RNF216: variants seen among roughly 807,000 people sequenced by gnomAD.
The protein encoded by RNF216 is ring finger protein 216, also known as E3 ubiquitin-protein ligase RNF216.
A neutral mutation model predicts 110.8 loss-of-function variants in RNF216; 72 were observed. The ratio of observed to expected loss-of-function variants is 0.65; its 90% CI spans 0.54 to 0.79. RNF216 has a LOEUF of 0.79. Among genes scored for constraint, RNF216 ranks in the 30% least tolerant of loss-of-function variants. RNF216 has a pLI of 0.00. For missense variants in RNF216, 1,342 were observed against 1,141.2 expected, an observed-to-expected ratio of 1.18 and a Z score of -2.54; for synonymous variants, 495 against 407.5, an observed-to-expected ratio of 1.21 and a Z score of -2.59.
At chr7:5,637,696 C>A (rs1278676106) in intron 15 of RNF216, among the ~76,000 whole-genome samples, 2 of 152,254 alleles carry the variant, frequency 1.3e-5, no homozygotes, top group Non-Finnish European at 2.9e-5. Context: ...CGCACCACCA[C>A]CCCTGGATAA....
intron 2 of RNF216, among the ~76,000 whole-genome samples, chr7:5,760,677 G>T (rs1795886945): frequency 6.6e-6 from 1 of 152,164 alleles, no homozygotes; most frequent in Non-Finnish European, 1.5e-5. Context: ...AGAACATAAA[G>T]GCCTAGTGGA....
intron 2 of RNF216, among the ~76,000 whole-genome samples, chr7:5,756,601 G>C (rs1003384994): frequency 6.6e-6 from 1 of 152,142 alleles, no homozygotes; most frequent in Non-Finnish European, 1.5e-5. Flanking sequence ...CCCCATGTTG[G>C]CTAGGCTGGG....
chr7:5,727,030 C>G (rs1793798936), intron 7 of RNF216, among the ~76,000 whole-genome samples: 2 of 152,100 alleles, frequency 1.3e-5, no homozygotes, highest in Admixed American at 1.3e-4. Context: ...CTGACTGTGG[C>G]AGGGGATAGG....
At chr7:5,629,873 A>G (rs1288798644) in intron 15 of RNF216, among the ~76,000 whole-genome samples, 1 of 148,408 alleles carries the variant, frequency 6.7e-6, no homozygotes, top group Middle Eastern at 3.6e-3. Flanking sequence ...TTTAGGATTG[A>G]TTTTGAGGTT....
chr7:5,710,929 G>A (rs899087581), intron 13 of RNF216, among the ~76,000 whole-genome samples: 8 of 152,180 alleles, frequency 5.3e-5, no homozygotes, highest in Non-Finnish European at 8.8e-5. Flanking sequence ...CCTGGGGTGC[G>A]AACATATAAA....
intron 3 of RNF216, among the ~76,000 whole-genome samples, chr7:5,742,786 G>C (rs1794835895): frequency 6.6e-6 from 1 of 151,790 alleles, no homozygotes. Context: ...GTTAGAGACA[G>C]GGTTTTGCCA....
At chr7:5,635,845 G>A (rs547836228) in intron 15 of RNF216, among the ~76,000 whole-genome samples, 1 of 152,234 alleles carries the variant, frequency 6.6e-6, no homozygotes, top group Non-Finnish European at 1.5e-5. Flanking sequence ...AAAAATGAGT[G>A]TCTCTTAACC....
intron 13 of RNF216, among the ~76,000 whole-genome samples, chr7:5,676,700 A>T (rs925884495): frequency 6.6e-6 from 1 of 152,234 alleles, no homozygotes; most frequent in Non-Finnish European, 1.5e-5. Context: ...CTATGCCCCT[A>T]TTCTTAAGGA....
intron 13 of RNF216, among the ~76,000 whole-genome samples, chr7:5,663,453 G>A (rs1051296645): frequency 2.6e-5 from 4 of 151,962 alleles, no homozygotes; most frequent in Admixed American, 6.6e-5. Flanking sequence ...GTGTGGTGGC[G>A]TTCGCCTGTA....
chr7:5,689,140 A>G (rs1562393198), intron 13 of RNF216, among the ~76,000 whole-genome samples: 1 of 152,084 alleles, frequency 6.6e-6, no homozygotes, highest in Non-Finnish European at 1.5e-5. Context: ...ATGCAGAACC[A>G]AAAGCACAGG....
intron 13 of RNF216, among the ~76,000 whole-genome samples, chr7:5,656,535 A>G (rs1788755925): frequency 6.6e-6 from 1 of 152,078 alleles, no homozygotes; most frequent in Non-Finnish European, 1.5e-5. Flanking sequence ...CAAATACAGT[A>G]AGCAGGCAAG....
At position 5,741,215 on chromosome 7, in the gene RNF216, C is replaced by T. The variant is rs1794736076; in HGVS notation, c.802G>A (p.Glu268Lys). The T allele has an allele frequency of 6.2e-7, 1 of 1,614,042 alleles. No individual in the cohort carries two copies. The highest frequency in any genetic ancestry group is 1.3e-5 in the African/African-American group (1 of 74,926). Residue 268 changes from glutamate (E) to lysine (K), a missense_variant, in exon 4 of 17, where the codon GAA (glutamate) becomes AAA (lysine). Coordinates refer to ENST00000389902, the MANE Select transcript of RNF216 (RefSeq NM_207111.4). ...AELGRLLFQH[E>K]FPGPAFPRPE... ...CTTGGAAAAGCGGGCCCTGGGAATT[C>T]ATGCTGAAACAACAAGCGGCCCAGT...
intron 3 of RNF216, among the ~76,000 whole-genome samples, chr7:5,746,308 G>A (rs894317092): frequency 6.6e-6 from 1 of 152,126 alleles, no homozygotes; most frequent in African/African-American, 2.4e-5. Flanking sequence ...GGGAATGTGG[G>A]GGCTCACAAA....
chr7:5,668,846 C>G (rs1484364018), intron 13 of RNF216, among the ~76,000 whole-genome samples: 2 of 152,150 alleles, frequency 1.3e-5, no homozygotes, highest in African/African-American at 4.8e-5. Flanking sequence ...GGTGTATCTT[C>G]CCCATATCTT....
chr7:5,663,018 C>G (rs1237771887), intron 13 of RNF216, among the ~76,000 whole-genome samples: 2 of 152,158 alleles, frequency 1.3e-5, no homozygotes, highest in African/African-American at 4.8e-5. Flanking sequence ...AAGAATATCT[C>G]TTCTCCTCTG....
Position 5,712,788 on chromosome 7 carries a change from T to C in RNF216, c.1909A>G (p.Thr637Ala). The C allele has an allele frequency of 6.2e-7, 1 of 1,614,060 alleles. No individual in the cohort carries two copies. Among genetic ancestry groups the C allele is most frequent in the Non-Finnish European group, 8.5e-7 (1 of 1,180,016 alleles). ...CGCTCATAGTACTTATACAGGATGG[T>C]CTGGGGGAGCACCTTCTCCAGCTCA... The part of the protein sequence containing the change: ...TSELEKVLPQ[T>A]ILYKYYERKA... The change falls in exon 12 of 17, where the codon ACC becomes GCC. Residue 637 changes from threonine to alanine, a missense_variant. By Grantham distance (58) the Thr-to-Ala change is moderately conservative. Coordinates refer to ENST00000389902, the MANE Select transcript of RNF216 (RefSeq NM_207111.4).
At chr7:5,663,425 C>T (rs1012849385) in intron 13 of RNF216, among the ~76,000 whole-genome samples, 1 of 151,680 alleles carries the variant, frequency 6.6e-6, no homozygotes, top group Non-Finnish European at 1.5e-5. Flanking sequence ...ACTAAAAACA[C>T]AAAAACAAAT....
intron 15 of RNF216, among the ~76,000 whole-genome samples, chr7:5,639,402 G>A (rs556521805): frequency 6.6e-6 from 1 of 151,874 alleles, no homozygotes; most frequent in South Asian, 2.1e-4. Context: ...ACACACTTCT[G>A]TTTTCCTTTT....
At chr7:5,626,011 C>T (rs1455843430) in intron 15 of RNF216, among the ~76,000 whole-genome samples, 2 of 152,216 alleles carry the variant, frequency 1.3e-5, no homozygotes, top group African/African-American at 2.4e-5. Context: ...TGCCTGGCCA[C>T]GTGTTCTGAG....
Sources: gnomAD v4.1 joint callset for allele counts (sites outside exome capture counted in the v4.1 genomes callset) on GRCh38, gnomAD v4.1.1 for gene constraint, MANE v1.5 for transcripts, NCBI Gene and HGNC (gene_info 2026-07-23, HGNC 2026-07-21) for gene names.